HERC4: variants seen among roughly 807,000 people sequenced by gnomAD.
HERC4 encodes probable E3 ubiquitin-protein ligase HERC4.
A neutral mutation model predicts 124.3 loss-of-function variants in HERC4; 28 were observed. The ratio of observed to expected loss-of-function variants is 0.23; its 90% confidence interval spans 0.17 to 0.31. The LOEUF is 0.31. HERC4 is among the 10% of genes least tolerant of loss of function. The pLI is 1.00. For missense variants in HERC4, 713 were observed against 1,229.3 expected, an observed-to-expected ratio of 0.58 and a Z score of 6.28; for synonymous variants, 407 against 421.5, an observed-to-expected ratio of 0.97 and a Z score of 0.42.
intron 19 of HERC4, among the ~76,000 whole-genome samples, chr10:67,947,479 G>A (rs529582944): frequency 1.3e-5 from 2 of 152,234 alleles, no homozygotes; most frequent in African/African-American, 4.8e-5. Flanking sequence ...CAGAATCAAA[G>A]CGAGGTATAG....
intron 9 of HERC4, among the ~76,000 whole-genome samples, chr10:68,009,619 C>A (rs1415697345): frequency 6.6e-6 from 1 of 152,100 alleles, no homozygotes; most frequent in Admixed American, 6.6e-5. Context: ...TTGCTGAAGG[C>A]TGGGGTAGCT....
chr10:67,992,463 T>G, intron 10 of HERC4, 140 bp from the exon 11 acceptor site: 1 of 1,224,674 alleles, frequency 8.2e-7, no homozygotes, highest in Non-Finnish European at 1.1e-6. Context: ...ATCAAATAGA[T>G]CAGAAAAAAC....
chr10:67,936,966 A>G (rs1007642299), intron 21 of HERC4, among the ~76,000 whole-genome samples: 7 of 152,158 alleles, frequency 4.6e-5, no homozygotes, highest in African/African-American at 1.7e-4. Context: ...TAATGCATTT[A>G]TAAGACAGAG....
At position 68,044,558 on chromosome 10, in the gene HERC4, C is replaced by T; in HGVS notation, c.232G>A (p.Val78Ile). 6.2e-7 allele frequency: 1 copy of T among 1,613,530 alleles called. No homozygotes were observed. Among genetic ancestry groups the T allele is most frequent in the South Asian group, 1.1e-5 (1 of 90,954 alleles). The change falls in exon 4 of 25, where the codon GTT becomes ATT. Residue 78 changes from valine (V) to isoleucine (I), a missense_variant. Val to Ile is a conservative substitution (Grantham distance 29). Transcript: ENST00000373700. ...HEKSRKKPEQ[V>I]VALDAQNIVA... ...ATATTTTGGGCATCCAGGGCAACAA[C>T]CTGCTCTACAGAAATCAAGAAGAGA...
intron 14 of HERC4, among the ~76,000 whole-genome samples, chr10:67,989,769 T>C (rs2036454120): frequency 6.6e-6 from 1 of 151,906 alleles, no homozygotes; most frequent in South Asian, 2.1e-4. Context: ...ATCTAGTCTA[T>C]AGGCAGAAAA....
intron 20 of HERC4, among the ~76,000 whole-genome samples, chr10:67,939,910 C>G (rs2032724797): frequency 6.6e-6 from 1 of 151,818 alleles, no homozygotes; most frequent in Non-Finnish European, 1.5e-5. Context: ...CTATTTTCAA[C>G]ATTTTTCCTT....
At chr10:68,054,152 A>C (rs2133635118) in intron 3 of HERC4, among the ~76,000 whole-genome samples, 1 of 152,268 alleles carries the variant, frequency 6.6e-6, no homozygotes, top group South Asian at 2.1e-4. Flanking sequence ...TCCATGCCTA[A>C]AAATTTAACT....
intron 9 of HERC4, 169 bp from the exon 10 acceptor site, chr10:67,992,851 T>C (rs1218711035): frequency 3.9e-6 from 2 of 513,318 alleles, no homozygotes; most frequent in Non-Finnish European, 3.5e-6. Flanking sequence ...GGGATGAGAC[T>C]GACCAAATGA....
chr10:68,041,454 G>T lies in HERC4; in HGVS notation c.386+2950C>A, dbSNP rs1057416468. On this transcript the variant is annotated intron_variant, in intron 4 of 24. Coordinates refer to ENST00000373700, the MANE Select transcript of HERC4 (RefSeq NM_015601.4). ...CCAAATTTTCAGATGCTAAAATTAG[G>T]CAGGAATTGTAATATATCTTAAAAT... Among the ~76,000 whole-genome samples, 10 of 151,950 alleles carry T rather than the reference G, an allele frequency of 6.6e-5. No homozygotes were observed. The East Asian group carries it at 1.9e-3, about 29-fold the overall frequency.
At chr10:67,983,075 C>CA (rs60021463) in intron 15 of HERC4, among the ~76,000 whole-genome samples, 8,732 of 76,106 alleles carry the variant, frequency 0.11, 905 homozygotes, top group African/African-American at 0.34. Flanking sequence ...TTGCACTGAG[C>CA]AAAAAAAAAA....
chr10:67,960,293 C>T (rs1329478223), intron 16 of HERC4, among the ~76,000 whole-genome samples: 1 of 152,192 alleles, frequency 6.6e-6, no homozygotes, highest in Non-Finnish European at 1.5e-5. Context: ...AGCTCTGCCT[C>T]TGGTTATCTT....
intron 4 of HERC4, chr10:68,039,696 T>C (rs911462965): frequency 7.3e-7 from 1 of 1,363,776 alleles, no homozygotes; most frequent in East Asian, 2.8e-5. Flanking sequence ...TTCTTTGAAA[T>C]AGCAAAATCA....
chr10:67,959,227 A>G (rs369602003), intron 16 of HERC4: 4 of 1,232,280 alleles, frequency 3.2e-6, no homozygotes, highest in East Asian at 2.5e-5. Flanking sequence ...AGCATTTCAT[A>G]TATTTTGCTA....
In HERC4 at chr10:67,951,042, A is replaced by G. The variant is rs947715466; in HGVS notation, c.2337+3553T>C. Reference sequence around the variant, plus strand: ...AATGGGGATATGTCAGAAGTACACCAAAGAGTAGAGCCGGCTCCAAGGGGC... The same window carrying G: ...AATGGGGATATGTCAGAAGTACACCGAAGAGTAGAGCCGGCTCCAAGGGGC... On this transcript the variant is annotated intron_variant, in intron 19 of 24. Transcript: ENST00000373700. 2.6e-5 allele frequency among the ~76,000 whole-genome samples: 4 copies of G among 152,236 alleles called. No individual in the cohort carries two copies. In the East Asian group the frequency reaches 7.7e-4, roughly 29 times the overall value.
At chr10:68,030,694 A>G (rs2039159401) in intron 7 of HERC4, among the ~76,000 whole-genome samples, 2 of 152,218 alleles carry the variant, frequency 1.3e-5, no homozygotes, top group African/African-American at 4.8e-5. Context: ...AGGTCACAGT[A>G]AATGGTCTTG....
intron 8 of HERC4, 30 bp from the exon 9 acceptor site, chr10:68,014,216 T>C: frequency 6.6e-7 from 1 of 1,510,666 alleles, no homozygotes; most frequent in African/African-American, 1.4e-5. Context: ...AACTTCAGAC[T>C]TAATGTTACC....
chr10:68,031,638 AT>A (rs1356034284), intron 7 of HERC4, among the ~76,000 whole-genome samples: 1 of 152,240 alleles, frequency 6.6e-6, no homozygotes, highest in Admixed American at 6.5e-5. Context: ...TGGTCATTAT[AT>A]TTTTAAAAGT....
intron 24 of HERC4, among the ~76,000 whole-genome samples, chr10:67,924,809 C>T (rs1358092720): frequency 6.6e-6 from 1 of 152,160 alleles, no homozygotes; most frequent in South Asian, 2.1e-4. Flanking sequence ...AGGAATTCTA[C>T]AATCCTAGTT....
chr10:68,054,876 A>G (rs1185759547), intron 3 of HERC4, among the ~76,000 whole-genome samples: 1 of 152,180 alleles, frequency 6.6e-6, no homozygotes, highest in Non-Finnish European at 1.5e-5. Context: ...TAAATAAAAC[A>G]AAGTGCAACT....
Sources: gnomAD v4.1 joint callset for allele counts (sites outside exome capture counted in the v4.1 genomes callset) on GRCh38, gnomAD v4.1.1 for gene constraint, MANE v1.5 for transcripts, NCBI Gene and HGNC (gene_info 2026-07-23, HGNC 2026-07-21) for gene names.